Variants in SNX29 observed in about 807,000 individuals in gnomAD.
SNX29 encodes the protein sorting nexin-29.
SNX29 carries 78 observed loss-of-function variants against 102.1 expected under a neutral mutation model. The observed-to-expected ratio is 0.76, with a 90% CI of 0.64 to 0.92. SNX29 has a LOEUF of 0.92. Ranked by LOEUF, SNX29 falls within the 40% of genes least tolerant of loss-of-function variation. The probability of loss-of-function intolerance (pLI) is 0.00; values close to 1 mark genes in which losing one functional copy is unlikely to be tolerated. For missense variants in SNX29, 1,280 were observed against 1,061.7 expected, an observed-to-expected ratio of 1.21 and a Z score of -2.86; for synonymous variants, 580 against 414.5, an observed-to-expected ratio of 1.40 and a Z score of -4.85.
chr16:12,131,705 C>A lies in SNX29; in HGVS notation c.1595+1947C>A, dbSNP rs145350614. On this transcript the variant is annotated intron_variant, in intron 13 of 20. Coordinates refer to ENST00000566228, the MANE Select transcript of SNX29 (RefSeq NM_032167.5). ...AAATAAGACCACGAGATAAACACGT[C>A]TTGTGGATGTGCAAGGGAGCCCAGA... Among the ~76,000 whole-genome samples, 103 of 152,294 alleles carry A rather than the reference C, an allele frequency of 6.8e-4. 1 individual carries two copies. The highest frequency in any genetic ancestry group is 2.3e-3 in the African/African-American group (97 of 41,566).
intron 3 of SNX29, among the ~76,000 whole-genome samples, chr16:12,013,500 A>ATATATATATATATAT (rs1555518837): frequency 6.3e-5 from 2 of 31,620 alleles, no homozygotes; most frequent in African/African-American, 9.8e-5. Flanking sequence ...AAAAAAAAAA[A>ATATATATATATATAT]ATATATATAT....
rs779892919 is a variant in SNX29, at chr16:12,568,654, C to G, written c.*25C>G. The G allele has an allele frequency of 1.9e-6, 3 of 1,598,678 alleles. No individual in the cohort carries two copies. Among genetic ancestry groups the G allele is most frequent in the Non-Finnish European group, 2.5e-6 (3 of 1,178,964 alleles). Reference sequence around the variant, plus strand: ...ACCTCGACAAAACCGCAGCCACGGGCCCTGTGCGTGGCACCAGCTGCGTCC... The same window carrying G: ...ACCTCGACAAAACCGCAGCCACGGGGCCTGTGCGTGGCACCAGCTGCGTCC... On this transcript the variant is annotated 3_prime_UTR_variant, in exon 21 of 21. Coordinates refer to ENST00000566228, the MANE Select transcript of SNX29 (RefSeq NM_032167.5).
chr16:12,284,895 T>G (rs915599549), intron 15 of SNX29, among the ~76,000 whole-genome samples: 1 of 152,086 alleles, frequency 6.6e-6, no homozygotes, highest in Non-Finnish European at 1.5e-5. Flanking sequence ...CAGCTAATTT[T>G]TTATATTTTT....
At chr16:12,416,574 G>T (rs538283228) in intron 18 of SNX29, among the ~76,000 whole-genome samples, 13 of 152,304 alleles carry the variant, frequency 8.5e-5, no homozygotes, top group African/African-American at 3.1e-4. Flanking sequence ...ACCTGACGCT[G>T]GGTAGTTGAT....
chr16:12,106,229 G>A (rs1176417094), intron 11 of SNX29, among the ~76,000 whole-genome samples: 1 of 152,184 alleles, frequency 6.6e-6, no homozygotes, highest in African/African-American at 2.4e-5. Flanking sequence ...CAATGGCTTT[G>A]CCAGGAATTG....
intron 18 of SNX29, among the ~76,000 whole-genome samples, chr16:12,445,961 G>T (rs892775979): frequency 6.6e-6 from 1 of 152,172 alleles, no homozygotes; most frequent in East Asian, 1.9e-4. Flanking sequence ...AACCCAAGAG[G>T]TGGAGCTCCC....
At position 12,477,773 on chromosome 16, in the gene SNX29, T is replaced by C; in HGVS notation, c.2092T>C (p.Phe698Leu). The C allele has an allele frequency of 6.2e-7, 1 of 1,613,316 alleles. No homozygotes were observed. The highest frequency in any genetic ancestry group is 1.7e-5 in the Admixed American group (1 of 59,770). ...EWNIYRRYTE[F>L]RSLHHKLQNK... ...GAATATTTATCGCCGGTATACAGAG[T>C]TCAGGAGTTTGCACCACAAGTTACA... Residue 698 changes from phenylalanine to leucine, a missense_variant, in exon 19 of 21, where the codon TTC becomes CTC. By Grantham distance (22) the Phe-to-Leu change is conservative (BLOSUM62 0). Coordinates refer to ENST00000566228, the MANE Select transcript of SNX29 (RefSeq NM_032167.5).
chr16:12,106,104 G>A (rs150115509), intron 11 of SNX29, among the ~76,000 whole-genome samples: 2 of 152,274 alleles, frequency 1.3e-5, no homozygotes, highest in African/African-American at 4.8e-5. Flanking sequence ...ACAGCTTAAT[G>A]ATACGAAATG....
At chr16:12,081,111 G>A (rs558605245) in intron 11 of SNX29, 11 of 152,332 alleles carry the variant, frequency 7.2e-5, no homozygotes, top group African/African-American at 2.6e-4. Flanking sequence ...GCTGTAAAAT[G>A]AAGACAGTGG....
At chr16:12,241,397 G>A (rs2078100454) in intron 14 of SNX29, among the ~76,000 whole-genome samples, 1 of 152,100 alleles carries the variant, frequency 6.6e-6, no homozygotes, top group African/African-American at 2.4e-5. Context: ...GCATGATCAA[G>A]GACTTGGTGT....
intron 16 of SNX29, among the ~76,000 whole-genome samples, chr16:12,368,808 C>T (rs968631861): frequency 6.6e-6 from 1 of 152,232 alleles, no homozygotes; most frequent in Non-Finnish European, 1.5e-5. Context: ...AAGTGACAGG[C>T]AGCGGCCACC....
At chr16:12,082,735 A>G (rs2051969810) in intron 11 of SNX29, among the ~76,000 whole-genome samples, 1 of 152,148 alleles carries the variant, frequency 6.6e-6, no homozygotes. Flanking sequence ...GGTGGCTGGG[A>G]CAAGGGGCTT....
chr16:12,285,228 C>T (rs995216344), intron 15 of SNX29, among the ~76,000 whole-genome samples: 4 of 152,192 alleles, frequency 2.6e-5, no homozygotes, highest in Non-Finnish European at 1.5e-5. Context: ...GCTTAGCTCC[C>T]TCATGTTGTC....
chr16:12,568,306 A>AG (rs2079099178), intron 20 of SNX29, among the ~76,000 whole-genome samples, 200 bp from the exon 21 acceptor site: 1 of 150,320 alleles, frequency 6.7e-6, no homozygotes, highest in Non-Finnish European at 1.5e-5. Context: ...AGTGCTGTTA[A>AG]AAAAAAAAAA....
At chr16:12,522,972 G>A (rs2090156419) in intron 19 of SNX29, among the ~76,000 whole-genome samples, 1 of 152,228 alleles carries the variant, frequency 6.6e-6, no homozygotes, top group African/African-American at 2.4e-5. Flanking sequence ...CACCGTGCCC[G>A]GCTACTTTTT....
At chr16:12,145,051 AGCTTTCAACGTGC>A (rs2055009645) in intron 13 of SNX29, among the ~76,000 whole-genome samples, 2 of 152,184 alleles carry the variant, frequency 1.3e-5, no homozygotes, top group South Asian at 4.1e-4. Flanking sequence ...TCTGCCTCTG[AGCTTTCAACGTGC>A]GCCCACTGTT....
At position 12,559,790 on chromosome 16, in the gene SNX29, G is replaced by A. The variant is rs78221502; in HGVS notation, c.2319-8716G>A. Among the ~76,000 whole-genome samples the A allele has an allele frequency of 1.3e-3, 195 of 152,144 alleles. 2 individuals are homozygous for A. In the East Asian group the frequency reaches 0.027, roughly 21 times the overall value. ...TCTGAAAGCATTACACAGCACCTTC[G>A]TCCTTACTATCTTCCAGGCCATTTC... On this transcript the variant is annotated intron_variant, in intron 20 of 20. Transcript: ENST00000566228.
intron 20 of SNX29, among the ~76,000 whole-genome samples, chr16:12,563,844 C>A (rs565873161): frequency 6.6e-6 from 1 of 152,222 alleles, no homozygotes; most frequent in African/African-American, 2.4e-5. Context: ...CTGTAAATAT[C>A]CCTGCTGAAT....
chr16:12,537,040 A>C (rs1378650834), intron 20 of SNX29, among the ~76,000 whole-genome samples: 2 of 152,184 alleles, frequency 1.3e-5, no homozygotes, highest in African/African-American at 4.8e-5. Flanking sequence ...CACAGCAAGC[A>C]CATTCACTGA....
Sources: allele counts gnomAD v4.1 joint callset (sites outside exome capture counted in the v4.1 genomes callset), GRCh38; gene constraint gnomAD v4.1.1; transcripts MANE v1.5; gene names NCBI Gene and HGNC (gene_info 2026-07-23, HGNC 2026-07-21).